Variants in STAG1 observed in about 807,000 individuals in gnomAD.
STAG1 encodes the protein cohesin subunit SA-1.
In STAG1, 26 loss-of-function variants were observed where a neutral mutation model predicts 170.9. The observed-to-expected ratio is 0.15, with a 90% CI of 0.11 to 0.21. STAG1 has a LOEUF of 0.21. Among genes scored for constraint, STAG1 ranks in the 10% least tolerant of loss-of-function variants. The pLI is 1.00. For synonymous variants in STAG1, 514 were observed against 497.7 expected, an observed-to-expected ratio of 1.03 and a Z score of -0.44; for missense variants, 964 against 1,509.5, an observed-to-expected ratio of 0.64 and a Z score of 5.99.
At chr3:136,644,815 G>A (rs1007539935) in intron 1 of STAG1, among the ~76,000 whole-genome samples, 7 of 151,952 alleles carry the variant, frequency 4.6e-5, no homozygotes, top group Non-Finnish European at 8.8e-5. Context: ...CCCCTTCACC[G>A]GCTCAAGCCA....
intron 26 of STAG1, 97 bp downstream of exon 26, chr3:136,363,269 T>C (rs1936946542): frequency 1.6e-6 from 1 of 620,080 alleles, no homozygotes; most frequent in South Asian, 2.3e-5. Context: ...TAAAATGACC[T>C]AGTTTAAATG....
chr3:136,708,841 A>G (rs1413141219), intron 1 of STAG1, among the ~76,000 whole-genome samples: 1 of 152,008 alleles, frequency 6.6e-6, no homozygotes, highest in Non-Finnish European at 1.5e-5. Flanking sequence ...AATCCTGACA[A>G]TTATTTAAGT....
At chr3:136,345,302 T>C (rs1936172084) in intron 29 of STAG1, among the ~76,000 whole-genome samples, 1 of 152,078 alleles carries the variant, frequency 6.6e-6, no homozygotes, top group Middle Eastern at 3.2e-3. Context: ...TTGGCCAGGC[T>C]GAAATGGAAC....
At chr3:136,343,617 C>T (rs1033031382) in intron 30 of STAG1, among the ~76,000 whole-genome samples, 3 of 152,102 alleles carry the variant, frequency 2.0e-5, no homozygotes, top group Non-Finnish European at 4.4e-5. Flanking sequence ...GGTGAGACAC[C>T]GTACATTTAA....
chr3:136,461,636 T>C (rs1232118228), intron 13 of STAG1, among the ~76,000 whole-genome samples: 1 of 148,064 alleles, frequency 6.8e-6, no homozygotes, highest in East Asian at 2.0e-4. Flanking sequence ...TTCTTAAGAA[T>C]ATTAGTCTGG....
chr3:136,669,974 A>G (rs1366874908), intron 1 of STAG1, among the ~76,000 whole-genome samples: 1 of 152,226 alleles, frequency 6.6e-6, no homozygotes, highest in Non-Finnish European at 1.5e-5. Flanking sequence ...TAACTAAAAT[A>G]TATCACATAG....
At chr3:136,531,779 A>G in intron 6 of STAG1, among the ~76,000 whole-genome samples, 1 of 137,854 alleles carries the variant, frequency 7.3e-6, no homozygotes, top group Non-Finnish European at 1.6e-5. Context: ...GGGAGGGGGG[A>G]GGGATAGCAT....
At chr3:136,372,380 A>G (rs1166377316) in intron 23 of STAG1, among the ~76,000 whole-genome samples, 1 of 152,200 alleles carries the variant, frequency 6.6e-6, no homozygotes, top group Non-Finnish European at 1.5e-5. Context: ...AACTTCCAAC[A>G]CTATACTGAA....
chr3:136,388,557 CAG>C (rs1182569155), intron 22 of STAG1, among the ~76,000 whole-genome samples: 2 of 152,176 alleles, frequency 1.3e-5, no homozygotes, highest in East Asian at 1.9e-4. Context: ...TTAGTGGAGA[CAG>C]GGTTTCACCA....
intron 1 of STAG1, among the ~76,000 whole-genome samples, chr3:136,748,375 G>T (rs1326063358): frequency 6.6e-6 from 1 of 151,798 alleles, no homozygotes; most frequent in African/African-American, 2.4e-5. Context: ...CACTCTGGTC[G>T]GGGCACACTC....
chr3:136,469,419 A>G (rs1474507262), intron 12 of STAG1, among the ~76,000 whole-genome samples: 4 of 152,190 alleles, frequency 2.6e-5, no homozygotes, highest in Non-Finnish European at 5.9e-5. Flanking sequence ...TAGGAATCCA[A>G]CTTACAAGGG....
At chr3:136,530,998 G>A (rs1384817697) in intron 6 of STAG1, among the ~76,000 whole-genome samples, 5 of 152,196 alleles carry the variant, frequency 3.3e-5, no homozygotes, top group South Asian at 2.1e-4. Context: ...CCAGATACTC[G>A]GTTGGCAGAG....
intron 3 of STAG1, among the ~76,000 whole-genome samples, chr3:136,622,713 T>A (rs1939921048): frequency 6.6e-6 from 1 of 152,192 alleles, no homozygotes; most frequent in Admixed American, 6.5e-5. Context: ...TACAATACAT[T>A]AAGCTATCTC....
chr3:136,345,654 C>G (rs889010441), intron 29 of STAG1, among the ~76,000 whole-genome samples: 1 of 152,098 alleles, frequency 6.6e-6, no homozygotes, highest in Non-Finnish European at 1.5e-5. Context: ...AGTATTACTG[C>G]TTTGGTTTTC....
chr3:136,681,953 T>C (rs1942350891), intron 1 of STAG1, among the ~76,000 whole-genome samples: 2 of 152,110 alleles, frequency 1.3e-5, no homozygotes, highest in African/African-American at 2.4e-5. Context: ...TTTTCCTCTA[T>C]GACCTGAAAG....
intron 1 of STAG1, among the ~76,000 whole-genome samples, chr3:136,695,742 T>C (rs568651607): frequency 5.5e-4 from 83 of 150,960 alleles, no homozygotes; most frequent in African/African-American, 1.9e-3. Context: ...AAAAATTAAA[T>C]CCAAAATAAA....
chr3:136,472,863 A>G lies in STAG1; in HGVS notation c.1126-371T>C, dbSNP rs1470999181. 5.3e-5 allele frequency among the ~76,000 whole-genome samples: 8 copies of G among 152,320 alleles called. No individual in the cohort carries two copies. The East Asian group carries it at 1.3e-3, about 26-fold the overall frequency. ...AAGCAGAGATTCACTTATCAATTTC[A>G]TATGGGTTTATTTAAAGAACATGTA... On this transcript the variant is annotated intron_variant, in intron 11 of 33. Transcript: ENST00000383202.
intron 15 of STAG1, among the ~76,000 whole-genome samples, chr3:136,439,836 T>C (rs1331251924): frequency 6.6e-6 from 1 of 152,202 alleles, no homozygotes; most frequent in Non-Finnish European, 1.5e-5. Context: ...AGTGAAACTG[T>C]GGTTGACTTC....
chr3:136,530,000 A>C lies in STAG1; in HGVS notation c.472-8583T>G, dbSNP rs548901525. Among the ~76,000 whole-genome samples the C allele has an allele frequency of 7.2e-5, 11 of 152,292 alleles. No individual in the cohort carries two copies. The South Asian group carries it at 2.3e-3, about 32-fold the overall frequency. ...ATGCTGCCCACAAGTAATGCACTTT[A>C]CCTGTAAAGACACATACAGACTGAA... On this transcript the variant is annotated intron_variant, in intron 6 of 33. Transcript: ENST00000383202.
Sources: gnomAD v4.1 joint callset for allele counts (sites outside exome capture counted in the v4.1 genomes callset) on GRCh38, gnomAD v4.1.1 for gene constraint, MANE v1.5 for transcripts, NCBI Gene and HGNC (gene_info 2026-07-23, HGNC 2026-07-21) for gene names.